The following NEK3 variants were observed in gnomAD, a reference collection of about 807,000 sequenced individuals.
The protein encoded by NEK3 is NIMA related kinase 3.
NEK3 carries 54 observed loss-of-function variants against 66.0 expected under a neutral mutation model. The observed-to-expected ratio is 0.82, with a 90% CI of 0.66 to 1.03. The LOEUF (loss-of-function observed/expected upper bound fraction) is 1.03. Ranked by LOEUF, NEK3 falls within the 50% of genes least tolerant of loss-of-function variation. The pLI is 0.00. For missense variants in NEK3, 593 were observed against 603.0 expected (o/e 0.98, Z 0.17); for synonymous variants, 200 against 206.2 (o/e 0.97, Z 0.26).
chr13:52,154,214 T>C, intron 2 of NEK3, 41 bp from the exon 3 acceptor site: 1 of 1,212,256 alleles, frequency 8.2e-7, no homozygotes, highest in Non-Finnish European at 1.2e-6. Flanking sequence ...TAATACTGCA[T>C]TTTAAAATAC....
intron 9 of NEK3, 147 bp from the exon 10 acceptor site, chr13:52,144,134 C>T: frequency 3.5e-6 from 2 of 564,270 alleles, no homozygotes; most frequent in South Asian, 4.4e-5. Flanking sequence ...TACATACAGG[C>T]CGGGCATGGT....
chr13:52,143,829 A>G, intron 10 of NEK3, 86 bp downstream of exon 10: 1 of 739,806 alleles, frequency 1.4e-6, no homozygotes, highest in Non-Finnish European at 2.2e-6. Flanking sequence ...ATCATTTCTA[A>G]TAACTTAAAA....
intron 7 of NEK3, 125 bp downstream of exon 7, chr13:52,151,021 A>C: frequency 2.8e-6 from 2 of 702,756 alleles, no homozygotes; most frequent in Non-Finnish European, 4.9e-6. Context: ...GCTTTCAGAT[A>C]TATTTCTTAG....
At chr13:52,134,111 G>A (rs1249775490) in intron 14 of NEK3, among the ~76,000 whole-genome samples, 1 of 151,960 alleles carries the variant, frequency 6.6e-6, no homozygotes, top group African/African-American at 2.4e-5. Context: ...GCTCAATGCA[G>A]CCTCGAACTC....
intron 11 of NEK3, among the ~76,000 whole-genome samples, chr13:52,138,498 C>T (rs1956222938): frequency 6.6e-6 from 1 of 152,114 alleles, no homozygotes. Context: ...GTCTGTATTC[C>T]ATTTGTAGCA....
chr13:52,138,709 C>A (rs1191213326), intron 11 of NEK3, among the ~76,000 whole-genome samples: 1 of 152,098 alleles, frequency 6.6e-6, no homozygotes. Context: ...GTGGGAGGAT[C>A]ACTTAAGCCC....
chr13:52,143,540 G>C (rs2097787706), intron 10 of NEK3, among the ~76,000 whole-genome samples: 1 of 152,106 alleles, frequency 6.6e-6, no homozygotes, highest in South Asian at 2.1e-4. Context: ...TTATACGATG[G>C]TTCTTCAGAA....
chr13:52,155,101 G>A (rs1956382810), intron 2 of NEK3, among the ~76,000 whole-genome samples: 1 of 152,036 alleles, frequency 6.6e-6, no homozygotes, highest in Non-Finnish European at 1.5e-5. Context: ...TCGGAAGCCT[G>A]GGGGTGGAGC....
At position 52,136,132 on chromosome 13, in the gene NEK3, T is replaced by C. The variant is rs548889343; in HGVS notation, c.1158A>G (p.Thr386=). Residue 386 remains threonine, a synonymous_variant, in exon 13 of 16, where the codon ACA becomes ACG. Coordinates refer to ENST00000610828, the MANE Select transcript of NEK3 (RefSeq NM_002498.3). ...ACTACTAACCTCTATCGTCCTCTGC[T>C]GTTAAACTGGAGGTGAGTATGGATG... ...ENASILTSSL[T]AEDDRGGSVI... The C allele has an allele frequency of 1.2e-6, 2 of 1,613,780 alleles. No homozygotes were observed. The highest frequency in any genetic ancestry group is 2.2e-5 in the South Asian group (2 of 91,066).
chr13:52,156,250 T>G lies in NEK3; in HGVS notation c.-57-2A>C. ...GCAGTCACCATGGGCTCTCCCAAAC[T>G]GCATTCAAAAGCAGAAACATTTGAG... On this transcript the variant is annotated splice_acceptor_variant, in intron 1 of 15. Coordinates refer to ENST00000610828, the MANE Select transcript of NEK3 (RefSeq NM_002498.3). LOFTEE classifies it low-confidence loss of function (5UTR_SPLICE). The G allele has an allele frequency of 2.0e-6, 2 of 997,128 alleles. No homozygotes were observed. Among genetic ancestry groups the G allele is most frequent in the South Asian group, 1.5e-5 (1 of 68,442 alleles). The allele number at this position is 997,128 out of a possible 1,614,324, so 61.8% of individuals were successfully genotyped here.
chr13:52,154,785 G>A lies in NEK3; in HGVS notation c.118-612C>T, dbSNP rs77032196. 3.2e-3 allele frequency among the ~76,000 whole-genome samples: 483 copies of A among 149,076 alleles called. 3 individuals carry two copies. The highest frequency in any genetic ancestry group is 0.011 in the African/African-American group (461 of 40,566). On this transcript the variant is annotated intron_variant, in intron 2 of 15. Transcript: ENST00000610828. ...ATTGCCATTGTTAGTTGGGTGTGGT[G>A]GCTACCCTCCCCAGTGGCTGGGACT...
intron 12 of NEK3, 105 bp from the exon 13 acceptor site, chr13:52,136,364 C>T (rs554889768): frequency 2.7e-6 from 3 of 1,115,128 alleles, no homozygotes; most frequent in Admixed American, 5.1e-5. Context: ...TTTTCTCTTT[C>T]ATATTCAGAT....
chr13:52,135,850 T>C lies in NEK3; in HGVS notation c.1188A>G (p.Ile396Met). The C allele has an allele frequency of 6.2e-7, 1 of 1,612,374 alleles. No homozygotes were observed. The highest frequency in any genetic ancestry group is 8.5e-7 in the Non-Finnish European group (1 of 1,179,438). ...TACGAGTAGTATTTTTGCTGTACTT[T>C]ATTACAGAACCACCTAGTTGCAAAA... ...TAEDDRGGSV[I>M]KYSKNTTRKQ... Residue 396 changes from isoleucine to methionine, a missense_variant, in exon 14 of 16, where the codon ATA (isoleucine) becomes ATG (methionine). Ile to Met is a conservative substitution (Grantham distance 10, BLOSUM62 1). Transcript: ENST00000610828.
chr13:52,143,690 T>C (rs1956269534), intron 10 of NEK3, among the ~76,000 whole-genome samples: 1 of 152,186 alleles, frequency 6.6e-6, no homozygotes, highest in Non-Finnish European at 1.5e-5. Flanking sequence ...GCATAATCTT[T>C]CCGTCACTAA....
intron 5 of NEK3, 131 bp from the exon 6 acceptor site, chr13:52,151,523 C>T (rs951226473): frequency 1.4e-6 from 1 of 732,438 alleles, no homozygotes; most frequent in South Asian, 1.7e-5. Context: ...CAGAGTGGAA[C>T]ACAAAACACC....
At chr13:52,153,400 C>G (rs2138211151) in intron 4 of NEK3, among the ~76,000 whole-genome samples, 1 of 152,090 alleles carries the variant, frequency 6.6e-6, no homozygotes. Context: ...TTTCCATAGC[C>G]AATTCATTAA....
chr13:52,139,514 T>C (rs1305272627), intron 11 of NEK3, among the ~76,000 whole-genome samples: 1 of 152,190 alleles, frequency 6.6e-6, no homozygotes, highest in Non-Finnish European at 1.5e-5. Flanking sequence ...GGTTGCACAG[T>C]ATTATGAATG....
chr13:52,144,666 A>G, intron 9 of NEK3, 25 bp downstream of exon 9: 1 of 1,603,360 alleles, frequency 6.2e-7, no homozygotes, highest in South Asian at 1.1e-5. Context: ...AAAACTGTTC[A>G]CAACCAATCC....
intron 10 of NEK3, 52 bp from the exon 11 acceptor site, chr13:52,141,121 C>T: frequency 1.4e-6 from 2 of 1,480,408 alleles, no homozygotes; most frequent in African/African-American, 2.8e-5. Flanking sequence ...AAGGATCATC[C>T]TATTAAGTTC....
Sources: gnomAD v4.1 joint callset for allele counts (sites outside exome capture counted in the v4.1 genomes callset) on GRCh38, gnomAD v4.1.1 for gene constraint, MANE v1.5 for transcripts, NCBI Gene and HGNC (gene_info 2026-07-23, HGNC 2026-07-21) for gene names.